MET: variants seen among roughly 807,000 people sequenced by gnomAD.
The protein encoded by MET is MET proto-oncogene, receptor tyrosine kinase.
MET carries 48 observed loss-of-function variants against 133.1 expected under a neutral mutation model. That is an observed-to-expected ratio of 0.36 (90% confidence interval 0.29 to 0.46). The LOEUF (loss-of-function observed/expected upper bound fraction) is 0.46. Among genes scored for constraint, MET ranks in the 20% least tolerant of loss-of-function variants. The probability of loss-of-function intolerance (pLI) is 1.00; values close to 1 mark genes in which losing one functional copy is unlikely to be tolerated. For missense variants in MET, 1,442 were observed against 1,695.9 expected (o/e 0.85, Z 2.63); for synonymous variants, 628 against 616.5 (o/e 1.02, Z -0.28).
At chr7:116,757,932 A>G in intron 8 of MET, 158 bp downstream of exon 8, 1 of 780,444 alleles carries the variant, frequency 1.3e-6, no homozygotes, top group Non-Finnish European at 2.1e-6. Flanking sequence ...TCCAAAATTC[A>G]TCTACTCCTT....
intron 2 of MET, among the ~76,000 whole-genome samples, chr7:116,706,863 G>T (rs1300689038): frequency 6.7e-6 from 1 of 149,980 alleles, no homozygotes; most frequent in African/African-American, 2.4e-5. Flanking sequence ...AGCTACTCCT[G>T]AAGTCATTAA....
At chr7:116,749,077 A>C (rs1042753565) in intron 5 of MET, among the ~76,000 whole-genome samples, 7 of 152,324 alleles carry the variant, frequency 4.6e-5, no homozygotes, top group African/African-American at 1.4e-4. Context: ...ACAATAGAAA[A>C]ACAAGGGACT....
intron 5 of MET, among the ~76,000 whole-genome samples, chr7:116,754,656 G>GAA (rs1364233542): frequency 7.2e-6 from 1 of 139,764 alleles, no homozygotes; most frequent in Non-Finnish European, 1.6e-5. Context: ...CCTGTCTCTA[G>GAA]AAAAAAAAAA....
intron 1 of MET, among the ~76,000 whole-genome samples, chr7:116,676,327 T>C (rs1584847024): frequency 1.3e-5 from 2 of 152,216 alleles, no homozygotes; most frequent in East Asian, 1.9e-4. Context: ...AATTATGAAA[T>C]GTGCTTAGAG....
intron 2 of MET, among the ~76,000 whole-genome samples, chr7:116,725,174 A>T (rs1263869350): frequency 6.6e-6 from 1 of 152,148 alleles, no homozygotes; most frequent in Non-Finnish European, 1.5e-5. Flanking sequence ...ATATTTATTG[A>T]CTCAACTCTC....
Position 116,774,885 on chromosome 7 carries a change from G to C in MET, c.3033G>C (p.Gln1011His), listed in dbSNP as rs773719648. The change falls in exon 15 of 21, where the codon CAG (glutamine) becomes CAC (histidine). Residue 1011 changes from glutamine to histidine, a missense_variant. Physicochemically the swap from Gln to His is conservative, Grantham distance 24. Around this residue, in one of 6 missense-constraint regions of MET, gnomAD observed 514 missense variants for 659.6 expected, o/e 0.78. Transcript: ENST00000397752. ...VDYRATFPED[Q>H]FPNSSQNGSC... ...TAATTTTCCTTCATCTTACAGATCA[G>C]TTTCCTAATTCATCTCAGAACGGTT... 6.2e-7 allele frequency: 1 copy of C among 1,613,730 alleles called. No individual in the cohort carries two copies. The highest frequency in any genetic ancestry group is 8.5e-7 in the Non-Finnish European group (1 of 1,179,782).
intron 2 of MET, among the ~76,000 whole-genome samples, chr7:116,715,687 T>C (rs1275754018): frequency 6.6e-6 from 1 of 152,188 alleles, no homozygotes; most frequent in Non-Finnish European, 1.5e-5. Context: ...AAATCTGTTA[T>C]GTAGATATGT....
chr7:116,677,039 G>A (rs749749352), intron 1 of MET, among the ~76,000 whole-genome samples: 3 of 149,654 alleles, frequency 2.0e-5, no homozygotes, highest in Non-Finnish European at 3.0e-5. Context: ...TTTTGCATCC[G>A]CCTGGTCCCA....
rs1795997166 is a variant in MET, at chr7:116,672,206, T to C, written c.-386T>C. The stretch of plus-strand genomic sequence containing the variant: ...GCACGCGAGGCAGACAGACACGTGC[T>C]GGGGCGGGCAGGCGAGCGCCTCAGT... On this transcript the variant is annotated 5_prime_UTR_variant, in exon 1 of 21. Coordinates refer to ENST00000397752, the MANE Select transcript of MET (RefSeq NM_000245.4). Among the ~76,000 whole-genome samples, 1 of 151,774 alleles carries C rather than the reference T, an allele frequency of 6.6e-6. No homozygotes were observed. Among genetic ancestry groups the C allele is most frequent in the Non-Finnish European group, 1.5e-5 (1 of 67,896 alleles).
chr7:116,679,400 C>T (rs979276486), intron 1 of MET, among the ~76,000 whole-genome samples: 5 of 152,188 alleles, frequency 3.3e-5, no homozygotes, highest in Non-Finnish European at 7.4e-5. Context: ...CATGAAGCAA[C>T]TGCCTTGCAA....
At chr7:116,770,008 C>T in intron 12 of MET, 1 of 631,334 alleles carries the variant, frequency 1.6e-6, no homozygotes, top group South Asian at 1.9e-5. Flanking sequence ...TTCTTTCTAC[C>T]CACACTGCTT....
intron 11 of MET, among the ~76,000 whole-genome samples, chr7:116,763,955 T>G (rs1380639845): frequency 6.6e-6 from 1 of 152,212 alleles, no homozygotes; most frequent in Admixed American, 6.5e-5. Flanking sequence ...TGCTCAAGAC[T>G]TGAATTATTC....
intron 2 of MET, among the ~76,000 whole-genome samples, chr7:116,731,375 TA>T (rs1451501864): frequency 6.6e-6 from 1 of 152,236 alleles, no homozygotes; most frequent in Non-Finnish European, 1.5e-5. Context: ...CTGAGACATT[TA>T]AAAGTTTTGT....
At chr7:116,734,991 C>T (rs1309786924) in intron 3 of MET, among the ~76,000 whole-genome samples, 2 of 152,134 alleles carry the variant, frequency 1.3e-5, no homozygotes, top group Admixed American at 6.5e-5. Flanking sequence ...CAAAGCATTG[C>T]TATTAAAATA....
At chr7:116,753,566 A>G (rs952505203) in intron 5 of MET, among the ~76,000 whole-genome samples, 2 of 152,224 alleles carry the variant, frequency 1.3e-5, no homozygotes, top group African/African-American at 4.8e-5. Context: ...CAATAACAAA[A>G]TGAGTCTGTT....
At chr7:116,781,718 C>A (rs771382902) in intron 17 of MET, among the ~76,000 whole-genome samples, 1 of 151,604 alleles carries the variant, frequency 6.6e-6, no homozygotes, top group African/African-American at 2.4e-5. Context: ...TAGGTGCACA[C>A]CACCACACCA....
intron 1 of MET, among the ~76,000 whole-genome samples, chr7:116,683,125 A>T (rs778434987): frequency 1.2e-4 from 18 of 152,296 alleles, no homozygotes; most frequent in Admixed American, 1.1e-3. Context: ...GATTTGTTAC[A>T]TAGGTAAACT....
At chr7:116,692,720 G>T (rs184571259) in intron 1 of MET, among the ~76,000 whole-genome samples, 1 of 152,280 alleles carries the variant, frequency 6.6e-6, no homozygotes, top group Admixed American at 6.5e-5. Context: ...TGGCCAAGGT[G>T]CCATTGAGAT....
intron 5 of MET, among the ~76,000 whole-genome samples, chr7:116,750,790 C>T (rs1283124915): frequency 1.3e-5 from 2 of 152,140 alleles, no homozygotes; most frequent in African/African-American, 4.8e-5. Flanking sequence ...CAAAAGAAGA[C>T]ATTTAGGTGG....
Sources: allele counts gnomAD v4.1 joint callset (sites outside exome capture counted in the v4.1 genomes callset), GRCh38; gene constraint gnomAD v4.1.1; regional missense constraint gnomAD v4.1.1; transcripts MANE v1.5; gene names NCBI Gene and HGNC (gene_info 2026-07-23, HGNC 2026-07-21).